The following PDE1C variants were observed in gnomAD, a reference collection of about 807,000 sequenced individuals.
The protein encoded by PDE1C is phosphodiesterase 1C.
In PDE1C, 62 loss-of-function variants were observed where a neutral mutation model predicts 93.1. The observed-to-expected ratio is 0.67, with a 90% CI of 0.54 to 0.82. The LOEUF is 0.82. Among genes scored for constraint, PDE1C ranks in the 40% least tolerant of loss-of-function variants. PDE1C has a pLI of 0.00. For missense variants in PDE1C, 742 were observed against 884.6 expected, an observed-to-expected ratio of 0.84 and a Z score of 2.04; for synonymous variants, 325 against 310.1, an observed-to-expected ratio of 1.05 and a Z score of -0.50.
chr7:31,675,607 C>T, the PDE1C span, among the ~76,000 whole-genome samples: 1 of 151,960 alleles, frequency 6.6e-6, no homozygotes, highest in East Asian at 1.9e-4. Flanking sequence ...GCAAACATCA[C>T]TGGGAATGAA....
intron 1 of PDE1C, among the ~76,000 whole-genome samples, chr7:32,233,970 T>C (rs951488774): frequency 1.3e-5 from 2 of 151,918 alleles, no homozygotes; most frequent in Non-Finnish European, 2.9e-5. Flanking sequence ...CAAAATGAAA[T>C]TAGACAGAAA....
At chr7:32,030,078 AAC>A (rs376919544) in intron 2 of PDE1C, among the ~76,000 whole-genome samples, 32,126 of 133,700 alleles carry the variant, frequency 0.24, 3,789 homozygotes, top group South Asian at 0.34. Context: ...TGCATATTAT[AAC>A]ACACACACAC....
chr7:31,856,126 C>G (rs530510545), intron 7 of PDE1C, among the ~76,000 whole-genome samples: 1 of 152,326 alleles, frequency 6.6e-6, no homozygotes, highest in Admixed American at 6.5e-5. Flanking sequence ...CCAGACACCA[C>G]TTTATCAATG....
chr7:31,756,521 A>G (rs1330321124), intron 17 of PDE1C, among the ~76,000 whole-genome samples: 1 of 152,172 alleles, frequency 6.6e-6, no homozygotes, highest in Non-Finnish European at 1.5e-5. Context: ...CCCGGATGGG[A>G]CCCTGGGACA....
At chr7:32,155,177 G>T (rs922207593) in intron 3 of PDE1C, among the ~76,000 whole-genome samples, 2 of 152,230 alleles carry the variant, frequency 1.3e-5, no homozygotes, top group African/African-American at 2.4e-5. Flanking sequence ...GACCAGGGAG[G>T]CCGTGTGGCC....
intron 1 of PDE1C, among the ~76,000 whole-genome samples, chr7:32,396,543 T>A (rs1041920107): frequency 2.6e-5 from 4 of 151,582 alleles, no homozygotes; most frequent in African/African-American, 9.7e-5. Context: ...AGTGTTGTAA[T>A]GTCTTCAACT....
At chr7:32,177,281 C>T (rs10239506) in intron 2 of PDE1C, among the ~76,000 whole-genome samples, 2 of 151,872 alleles carry the variant, frequency 1.3e-5, no homozygotes, top group South Asian at 4.2e-4. Context: ...GAGGAGAACA[C>T]GGAGAGTAAA....
chr7:32,104,823 A>C (rs997884072), intron 3 of PDE1C, among the ~76,000 whole-genome samples: 6 of 152,206 alleles, frequency 3.9e-5, no homozygotes, highest in Admixed American at 2.0e-4. Flanking sequence ...ACTATGACTC[A>C]CCATGCAATT....
the PDE1C span, among the ~76,000 whole-genome samples, chr7:31,722,644 C>T: frequency 1.2e-4 from 19 of 152,176 alleles, no homozygotes; most frequent in Non-Finnish European, 2.6e-4. Context: ...GAAGAATGCA[C>T]GGGAGCTGAC....
chr7:31,843,981 A>C (rs931136539), intron 9 of PDE1C, among the ~76,000 whole-genome samples: 2 of 151,748 alleles, frequency 1.3e-5, no homozygotes, highest in Admixed American at 6.6e-5. Context: ...ACATTTAAAA[A>C]TCCTGCAACA....
At chr7:32,122,134 C>T (rs953305207) in intron 3 of PDE1C, among the ~76,000 whole-genome samples, 1 of 152,164 alleles carries the variant, frequency 6.6e-6, no homozygotes, top group Non-Finnish European at 1.5e-5. Context: ...AATGACATTA[C>T]ATAATGGTAA....
chr7:31,821,087 T>C (rs1788908464), intron 14 of PDE1C, among the ~76,000 whole-genome samples: 1 of 151,700 alleles, frequency 6.6e-6, no homozygotes, highest in South Asian at 2.1e-4. Context: ...TCCCACAAGA[T>C]ATCCGTAACA....
intron 1 of PDE1C, among the ~76,000 whole-genome samples, chr7:32,338,619 T>C (rs1783675354): frequency 6.6e-6 from 1 of 152,214 alleles, no homozygotes; most frequent in African/African-American, 2.4e-5. Flanking sequence ...GATCCAGGAA[T>C]ACTACTTCTG....
At chr7:32,308,280 G>A (rs906757064) in intron 1 of PDE1C, among the ~76,000 whole-genome samples, 35 of 152,366 alleles carry the variant, frequency 2.3e-4, no homozygotes, top group South Asian at 2.3e-3. Context: ...AGGCCTGCCT[G>A]CCTCTGTAGG....
chr7:31,796,731 TA>T (rs908457345), intron 16 of PDE1C, among the ~76,000 whole-genome samples: 3 of 151,552 alleles, frequency 2.0e-5, no homozygotes, highest in Admixed American at 6.6e-5. Flanking sequence ...CCCAAATCTA[TA>T]AAAAAAACCA....
intron 2 of PDE1C, among the ~76,000 whole-genome samples, chr7:31,999,979 G>C (rs1229226043): frequency 6.6e-6 from 1 of 152,124 alleles, no homozygotes; most frequent in African/African-American, 2.4e-5. Context: ...GAGAGAATCA[G>C]ATTACAAAAA....
the PDE1C span, among the ~76,000 whole-genome samples, chr7:31,664,485 A>C: frequency 5.3e-5 from 8 of 152,206 alleles, no homozygotes; most frequent in African/African-American, 1.9e-4. Flanking sequence ...AAAATAGAAC[A>C]TAATAGAAAA....
At chr7:32,310,866 T>C (rs1252109117) in intron 1 of PDE1C, among the ~76,000 whole-genome samples, 2 of 151,902 alleles carry the variant, frequency 1.3e-5, no homozygotes, top group African/African-American at 4.8e-5. Context: ...AGCAAACATA[T>C]TCAAAAGCTA....
At chr7:31,754,357 C>T (rs1010141251) in intron 17 of PDE1C, among the ~76,000 whole-genome samples, 1 of 152,182 alleles carries the variant, frequency 6.6e-6, no homozygotes, top group Non-Finnish European at 1.5e-5. Flanking sequence ...ATAGTCTTAC[C>T]ATGCAATGCA....
Sources: allele counts gnomAD v4.1 joint callset (sites outside exome capture counted in the v4.1 genomes callset), GRCh38; gene constraint gnomAD v4.1.1; transcripts MANE v1.5; gene names NCBI Gene and HGNC (gene_info 2026-07-23, HGNC 2026-07-21).